GPR160: variants seen among roughly 807,000 people sequenced by gnomAD.
GPR160 encodes G protein-coupled receptor 160, also known as probable G protein-coupled receptor 160.
A neutral mutation model predicts 2.6 loss-of-function variants in GPR160; 2 were observed. That is an observed-to-expected ratio of 0.77 (90% CI 0.32 to 2.44). The LOEUF is 2.44. Among genes scored for constraint, GPR160 ranks in the 30% most tolerant of loss-of-function variants. The pLI, the probability that GPR160 is intolerant of heterozygous loss-of-function variation, is 0.11. For missense variants in GPR160, 351 were observed against 383.6 expected (o/e 0.91, Z 0.71); for synonymous variants, 130 against 132.2 (o/e 0.98, Z 0.12).
At chr3:170,083,023 C>T (rs1048106791) in intron 3 of GPR160, among the ~76,000 whole-genome samples, 6 of 145,680 alleles carry the variant, frequency 4.1e-5, no homozygotes, top group Non-Finnish European at 9.0e-5. Flanking sequence ...TTTATAAATA[C>T]TGCGATTGAG....
At position 170,068,011 on chromosome 3, in the gene GPR160, C is replaced by T. The variant is rs74960465; in HGVS notation, c.-192-11763C>T. ...GGAGGCACAAAATGTCTGGTTGTCT[C>T]TCCTGTTGAGATGATGGTAGGTACA... On this transcript the variant is annotated intron_variant, in intron 2 of 3. Coordinates refer to ENST00000355897, the MANE Select transcript of GPR160 (RefSeq NM_014373.3). Among the ~76,000 whole-genome samples the T allele has an allele frequency of 3.9e-3, 588 of 152,306 alleles. 18 individuals are homozygous for T. In the East Asian group the frequency reaches 0.094, roughly 24 times the overall value.
At chr3:170,044,262 T>G (rs1199243750) in intron 2 of GPR160, among the ~76,000 whole-genome samples, 1 of 131,970 alleles carries the variant, frequency 7.6e-6, no homozygotes, top group African/African-American at 3.0e-5. Flanking sequence ...GGGCGGAGGT[T>G]GCGGTGAGCC....
intron 3 of GPR160, among the ~76,000 whole-genome samples, chr3:170,081,094 T>C (rs1427999038): frequency 6.6e-6 from 1 of 152,214 alleles, no homozygotes; most frequent in African/African-American, 2.4e-5. Flanking sequence ...TAAAGTTACA[T>C]TTTTGAAAAA....
intron 2 of GPR160, among the ~76,000 whole-genome samples, chr3:170,070,464 C>T (rs1457642602): frequency 6.6e-6 from 1 of 152,126 alleles, no homozygotes; most frequent in Non-Finnish European, 1.5e-5. Context: ...CTTTGGCTAC[C>T]TCCATTTAGT....
chr3:170,040,080 G>T (rs1716383278), intron 2 of GPR160, among the ~76,000 whole-genome samples: 1 of 152,114 alleles, frequency 6.6e-6, no homozygotes, highest in Non-Finnish European at 1.5e-5. Context: ...TGCATGCAGG[G>T]CTTAAAACCT....
rs372137175 is a variant in GPR160, at chr3:170,084,587, T to G, written c.615T>G (p.Thr205=). ...VAFITCWEEV[T]TLVQAIRITS... The stretch of plus-strand genomic sequence containing the variant: ...TCATAACCTGTTGGGAAGAAGTTAC[T>G]ACTTTGGTACAGGCTATCAGGATAA... Residue 205 remains threonine (T), a synonymous_variant, in exon 4 of 4, where the codon ACT becomes ACG. Transcript: ENST00000355897. 38 of 1,613,136 alleles carry G rather than the reference T, an allele frequency of 2.4e-5. No homozygotes were observed. Among genetic ancestry groups the G allele is most frequent in the Non-Finnish European group, 3.0e-5 (35 of 1,179,206 alleles).
At chr3:170,059,860 C>T (rs1243720339) in intron 2 of GPR160, among the ~76,000 whole-genome samples, 1 of 152,076 alleles carries the variant, frequency 6.6e-6, no homozygotes, top group Non-Finnish European at 1.5e-5. Context: ...CTCTAGCAGG[C>T]CCAAGTGTGT....
At chr3:170,059,774 T>A (rs1711837623) in intron 2 of GPR160, among the ~76,000 whole-genome samples, 1 of 152,076 alleles carries the variant, frequency 6.6e-6, no homozygotes, top group African/African-American at 2.4e-5. Context: ...GCTGTACAGA[T>A]TATCCCATCA....
intron 2 of GPR160, among the ~76,000 whole-genome samples, chr3:170,067,993 C>T (rs1339331873): frequency 6.6e-6 from 1 of 152,096 alleles, no homozygotes; most frequent in Non-Finnish European, 1.5e-5. Context: ...ATAGGAGGCA[C>T]AAAATGTCTG....
chr3:170,083,757 T>C, intron 3 of GPR160, 148 bp from the exon 4 acceptor site: 1 of 379,188 alleles, frequency 2.6e-6, no homozygotes, highest in Non-Finnish European at 4.6e-6. Flanking sequence ...TTTTGTTCTG[T>C]ATTCTATTAA....
chr3:170,071,183 G>A (rs1294745246), intron 2 of GPR160, among the ~76,000 whole-genome samples: 1 of 152,192 alleles, frequency 6.6e-6, no homozygotes, highest in African/African-American at 2.4e-5. Flanking sequence ...CAAATCTCAT[G>A]TTAAAATGTG....
chr3:170,043,783 G>C (rs556221395), intron 2 of GPR160, among the ~76,000 whole-genome samples: 2 of 151,910 alleles, frequency 1.3e-5, no homozygotes, highest in Non-Finnish European at 2.9e-5. Flanking sequence ...ATGTTCTGTC[G>C]GGCCAGCATA....
rs1000255937 is a variant in GPR160 at position 170,044,186 on chromosome 3, T to G, written c.-193+5143T>G. On this transcript the variant is annotated intron_variant, in intron 2 of 3. Coordinates refer to ENST00000355897, the MANE Select transcript of GPR160 (RefSeq NM_014373.3). The stretch of plus-strand genomic sequence containing the variant: ...CTAAAAATACAAAATTAGCCTGGCG[T>G]GGTGGTGTATGCCTGTAATCCCAGC... Among the ~76,000 whole-genome samples the G allele has an allele frequency of 4.0e-5, 6 of 151,704 alleles. No homozygotes were observed. The East Asian group carries it at 1.2e-3, about 29-fold the overall frequency.
intron 2 of GPR160, among the ~76,000 whole-genome samples, chr3:170,074,562 A>G (rs1559991463): frequency 6.6e-6 from 1 of 151,458 alleles, no homozygotes; most frequent in East Asian, 2.0e-4. Context: ...GCTCACCACA[A>G]CCTCCACCTC....
intron 2 of GPR160, among the ~76,000 whole-genome samples, chr3:170,043,785 G>C (rs910620908): frequency 1.3e-5 from 2 of 152,002 alleles, no homozygotes; most frequent in African/African-American, 4.8e-5. Context: ...GTTCTGTCGG[G>C]CCAGCATAGA....
intron 2 of GPR160, among the ~76,000 whole-genome samples, chr3:170,044,681 G>C (rs865784264): frequency 6.6e-6 from 1 of 152,258 alleles, no homozygotes; most frequent in Middle Eastern, 3.4e-3. Flanking sequence ...TTTAAGCAGG[G>C]GACCCATGTG....
chr3:170,069,054 T>A (rs1275542122), intron 2 of GPR160, among the ~76,000 whole-genome samples: 1 of 152,192 alleles, frequency 6.6e-6, no homozygotes, highest in African/African-American at 2.4e-5. Context: ...CAACTTCCGC[T>A]ATATGTATTT....
At position 170,066,265 on chromosome 3, in the gene GPR160, C is replaced by T. The variant is rs1374358407; in HGVS notation, c.-192-13509C>T. 7.3e-5 allele frequency among the ~76,000 whole-genome samples: 11 copies of T among 150,150 alleles called. No individual in the cohort carries two copies. In the East Asian group the frequency reaches 1.8e-3, roughly 24 times the overall value. ...ACGCCATTCTCCTGCCTCAGCCTCC[C>T]GAGTAGCTGGGACTACAGGCGCCCA... On this transcript the variant is annotated intron_variant, in intron 2 of 3. Transcript: ENST00000355897.
At chr3:170,060,218 G>C (rs1711869839) in intron 2 of GPR160, among the ~76,000 whole-genome samples, 1 of 152,196 alleles carries the variant, frequency 6.6e-6, no homozygotes, top group Admixed American at 6.5e-5. Context: ...AAGAATGATG[G>C]CAGTGAATTA....
Sources: allele counts gnomAD v4.1 joint callset (sites outside exome capture counted in the v4.1 genomes callset), GRCh38; gene constraint gnomAD v4.1.1; transcripts MANE v1.5; gene names NCBI Gene and HGNC (gene_info 2026-07-23, HGNC 2026-07-21).